Variants in CLSTN2 observed in about 807,000 individuals in gnomAD.
CLSTN2 encodes calsyntenin 2.
A neutral mutation model predicts 101.2 loss-of-function variants in CLSTN2; 48 were observed. The observed-to-expected ratio is 0.47, with a 90% CI of 0.38 to 0.60. The LOEUF is 0.60. CLSTN2 is among the 20% of genes least tolerant of loss of function. The pLI is 0.00. For missense variants in CLSTN2, 1,160 were observed against 1,238.2 expected (o/e 0.94, Z 0.95); for synonymous variants, 481 against 463.6 (o/e 1.04, Z -0.48).
intron 1 of CLSTN2, among the ~76,000 whole-genome samples, chr3:140,048,176 C>T (rs2007918465): frequency 6.6e-6 from 1 of 152,078 alleles, no homozygotes; most frequent in South Asian, 2.1e-4. Context: ...ATATTTCTTG[C>T]CTTAAATATT....
intron 1 of CLSTN2, among the ~76,000 whole-genome samples, chr3:139,939,231 G>T (rs143282265): frequency 1.3e-5 from 2 of 152,298 alleles, no homozygotes; most frequent in Non-Finnish European, 2.9e-5. Flanking sequence ...TCCCTCTTTA[G>T]TATGTCACAG....
intron 9 of CLSTN2, among the ~76,000 whole-genome samples, chr3:140,541,103 A>C (rs1935467071): frequency 2.6e-5 from 4 of 151,908 alleles, no homozygotes; most frequent in African/African-American, 9.7e-5. Flanking sequence ...TCCCCCTCCA[A>C]GAAATTCCCC....
intron 1 of CLSTN2, among the ~76,000 whole-genome samples, chr3:140,011,469 G>C (rs2007072259): frequency 3.3e-5 from 5 of 152,260 alleles, no homozygotes; most frequent in Middle Eastern, 6.8e-3. Flanking sequence ...CCCACTATGT[G>C]CTATGTGACC....
chr3:139,995,285 T>C (rs1019878681), intron 1 of CLSTN2, among the ~76,000 whole-genome samples: 5 of 152,140 alleles, frequency 3.3e-5, no homozygotes, highest in African/African-American at 1.2e-4. Flanking sequence ...CTTCAGGAAA[T>C]TGCTTTCTAT....
chr3:140,329,222 A>G (rs1215381840), intron 2 of CLSTN2, among the ~76,000 whole-genome samples: 1 of 152,022 alleles, frequency 6.6e-6, no homozygotes, highest in East Asian at 1.9e-4. Context: ...CCCCATCTCT[A>G]CTGAAAATAC....
At chr3:140,358,619 G>GTA (rs1478445503) in intron 2 of CLSTN2, among the ~76,000 whole-genome samples, 1 of 152,002 alleles carries the variant, frequency 6.6e-6, no homozygotes, top group African/African-American at 2.4e-5. Flanking sequence ...ACCTAGAAGG[G>GTA]ACCCAAGAGA....
At chr3:140,455,519 G>A (rs1933377880) in intron 6 of CLSTN2, among the ~76,000 whole-genome samples, 2 of 152,288 alleles carry the variant, frequency 1.3e-5, no homozygotes, top group East Asian at 3.9e-4. Context: ...TCCCCACCCT[G>A]CTAGGGCCCA....
chr3:140,400,229 T>G (rs1173976095), intron 2 of CLSTN2, among the ~76,000 whole-genome samples: 3 of 152,204 alleles, frequency 2.0e-5, no homozygotes, highest in African/African-American at 7.2e-5. Flanking sequence ...TTGTTCTCAC[T>G]CTGAGTCCCA....
At chr3:139,961,171 A>C (rs1174240645) in intron 1 of CLSTN2, among the ~76,000 whole-genome samples, 2 of 152,216 alleles carry the variant, frequency 1.3e-5, no homozygotes, top group East Asian at 3.8e-4. Context: ...AATTAGACTC[A>C]GCCAAAGTTA....
chr3:140,355,234 A>G (rs772195448), intron 2 of CLSTN2, among the ~76,000 whole-genome samples: 2 of 152,164 alleles, frequency 1.3e-5, no homozygotes, highest in Non-Finnish European at 1.5e-5. Flanking sequence ...TTCTTACTCA[A>G]TTTTTTGAAC....
chr3:140,455,722 G>C (rs1043036660), intron 6 of CLSTN2, among the ~76,000 whole-genome samples: 15 of 152,200 alleles, frequency 9.9e-5, no homozygotes, highest in African/African-American at 3.6e-4. Context: ...GATGCATTCT[G>C]TTTACCCACT....
intron 1 of CLSTN2, among the ~76,000 whole-genome samples, chr3:140,168,438 T>C (rs1283866950): frequency 6.6e-6 from 1 of 152,120 alleles, no homozygotes; most frequent in Non-Finnish European, 1.5e-5. Flanking sequence ...GTTTTGCAAA[T>C]ATTTCCTCCT....
At chr3:140,380,796 G>T (rs1395476275) in intron 2 of CLSTN2, among the ~76,000 whole-genome samples, 3 of 152,190 alleles carry the variant, frequency 2.0e-5, no homozygotes, top group African/African-American at 7.2e-5. Flanking sequence ...GCAACCCATG[G>T]CTGAACTGTG....
chr3:139,997,393 T>TA (rs2006694778), intron 1 of CLSTN2, among the ~76,000 whole-genome samples: 1 of 152,220 alleles, frequency 6.6e-6, no homozygotes, highest in South Asian at 2.1e-4. Flanking sequence ...AAATATGAGA[T>TA]AAAGATGCAA....
intron 8 of CLSTN2, among the ~76,000 whole-genome samples, chr3:140,521,348 T>C (rs1935023585): frequency 6.6e-6 from 1 of 152,230 alleles, no homozygotes; most frequent in Non-Finnish European, 1.5e-5. Context: ...GTTTTTCTTT[T>C]AACAGTCAGT....
intron 8 of CLSTN2, among the ~76,000 whole-genome samples, chr3:140,471,795 G>A (rs566331): frequency 0.095 from 14,422 of 152,174 alleles, 1,084 homozygotes; most frequent in East Asian, 0.31. Flanking sequence ...TCTGGGCCTC[G>A]TGCTGCACTT....
intron 2 of CLSTN2, among the ~76,000 whole-genome samples, chr3:140,261,680 T>C (rs778890429): frequency 6.6e-5 from 10 of 152,218 alleles, no homozygotes; most frequent in Non-Finnish European, 1.3e-4. Context: ...TAGCCTGTTA[T>C]ATACATATCT....
intron 4 of CLSTN2, among the ~76,000 whole-genome samples, chr3:140,418,588 G>T (rs868086119): frequency 6.8e-5 from 10 of 147,720 alleles, no homozygotes; most frequent in South Asian, 2.2e-4. Flanking sequence ...CACGATCTCG[G>T]CTCACTGCAA....
At chr3:140,465,012 G>A (rs1443142622) in intron 7 of CLSTN2, among the ~76,000 whole-genome samples, 1 of 152,172 alleles carries the variant, frequency 6.6e-6, no homozygotes, top group Non-Finnish European at 1.5e-5. Flanking sequence ...TAACAGTTAT[G>A]GAGCATTTGT....
Sources: allele counts gnomAD v4.1 joint callset (sites outside exome capture counted in the v4.1 genomes callset), GRCh38; gene constraint gnomAD v4.1.1; transcripts MANE v1.5; gene names NCBI Gene and HGNC (gene_info 2026-07-23, HGNC 2026-07-21).